AMPH: variants seen among roughly 807,000 people sequenced by gnomAD.
AMPH encodes the protein amphiphysin.
AMPH carries 49 observed loss-of-function variants against 99.1 expected under a neutral mutation model. The observed-to-expected ratio is 0.49, with a 90% CI of 0.39 to 0.63. The LOEUF is 0.63. AMPH is among the 20% of genes least tolerant of loss of function. AMPH has a pLI of 0.00. For missense variants in AMPH, 759 were observed against 863.4 expected (o/e 0.88, Z 1.52); for synonymous variants, 314 against 317.3 (o/e 0.99, Z 0.11).
chr7:38,548,467 G>C (rs944706582), intron 1 of AMPH, among the ~76,000 whole-genome samples: 1 of 152,094 alleles, frequency 6.6e-6, no homozygotes, highest in Non-Finnish European at 1.5e-5. Context: ...AGTGATTTTG[G>C]GGTCCCAAGA....
intron 11 of AMPH, among the ~76,000 whole-genome samples, chr7:38,437,128 C>A (rs1305481029): frequency 6.6e-6 from 1 of 152,108 alleles, no homozygotes; most frequent in African/African-American, 2.4e-5. Flanking sequence ...ACAAAAAAAT[C>A]TATAATACTA....
chr7:38,590,534 G>A (rs1006645614), intron 1 of AMPH, among the ~76,000 whole-genome samples: 7 of 152,144 alleles, frequency 4.6e-5, no homozygotes, highest in African/African-American at 1.7e-4. Context: ...GCCCACTCCC[G>A]GCTCGAATGC....
chr7:38,455,081 C>CT (rs558916967), intron 11 of AMPH, among the ~76,000 whole-genome samples: 6,364 of 145,980 alleles, frequency 0.044, 226 homozygotes, highest in East Asian at 0.16. Flanking sequence ...TATTAAAATT[C>CT]TTTTTTTTTT....
In AMPH at chr7:38,394,169, A is replaced by C; in HGVS notation, c.1444T>G (p.Ser482Ala). 1 of 1,614,176 alleles carries C rather than the reference A, an allele frequency of 6.2e-7. No individual in the cohort carries two copies. Among genetic ancestry groups the C allele is most frequent in the Non-Finnish European group, 8.5e-7 (1 of 1,180,036 alleles). ...DADAAVGTLV[S>A]AAEGAPGEEA... is the part of the protein sequence containing the mutation. ...TCTCCTGGGGCCCCCTCAGCTGCTG[A>C]CACCAAGGTTCCAACAGCTGCATCA... is the stretch of plus-strand genomic sequence containing the variant. Residue 482 changes from serine (S) to alanine (A), a missense_variant, in exon 18 of 21, where the codon TCA becomes GCA. Transcript: ENST00000356264.
At position 38,436,280 on chromosome 7, in the gene AMPH, T is replaced by A. The variant is rs754929044; in HGVS notation, c.1126A>T (p.Met376Leu). 4 of 1,613,616 alleles carry A rather than the reference T, an allele frequency of 2.5e-6. No homozygotes were observed. In the African/African-American group the frequency reaches 4.0e-5, roughly 16 times the overall value. ...AGSAGVTHSP[M>L]SQTLPWDLWT... Reference sequence around the variant, plus strand: ...CAAAAAGCACCTGATACCTGAGACATGGGTGAGTGGGTCACTCCAGCAGAA... The same window carrying A: ...CAAAAAGCACCTGATACCTGAGACAAGGGTGAGTGGGTCACTCCAGCAGAA... The change falls in exon 12 of 21, where the codon ATG (methionine) becomes TTG (leucine). Residue 376 changes from methionine to leucine, a missense_variant. By Grantham distance (15) the Met-to-Leu change is conservative (BLOSUM62 2). Transcript: ENST00000356264.
intron 11 of AMPH, among the ~76,000 whole-genome samples, chr7:38,451,360 GTA>G (rs57140163): frequency 7.1e-6 from 1 of 141,650 alleles, no homozygotes; most frequent in African/African-American, 2.7e-5. Context: ...TTATATACAC[GTA>G]TATATATGTG....
intron 1 of AMPH, among the ~76,000 whole-genome samples, chr7:38,586,372 C>T (rs1292544628): frequency 2.0e-5 from 3 of 152,156 alleles, no homozygotes; most frequent in African/African-American, 7.2e-5. Flanking sequence ...AGTGGTGTCT[C>T]AAATTTTGTA....
intron 5 of AMPH, among the ~76,000 whole-genome samples, chr7:38,484,235 A>T (rs1788404488): frequency 6.6e-6 from 1 of 152,124 alleles, no homozygotes; most frequent in South Asian, 2.1e-4. Flanking sequence ...CAAAACTGGG[A>T]AAGAAAATGT....
chr7:38,405,893 T>G (rs1262845157), intron 17 of AMPH, among the ~76,000 whole-genome samples: 2 of 152,182 alleles, frequency 1.3e-5, no homozygotes, highest in Non-Finnish European at 2.9e-5. Context: ...CTATAGAACA[T>G]TCCACCCAAC....
intron 16 of AMPH, among the ~76,000 whole-genome samples, chr7:38,420,752 C>T (rs1785554454): frequency 6.6e-6 from 1 of 152,034 alleles, no homozygotes; most frequent in African/African-American, 2.4e-5. Flanking sequence ...CCTGAGAGAA[C>T]TAATTTAGTG....
At chr7:38,626,592 T>G (rs6955353) in intron 1 of AMPH, among the ~76,000 whole-genome samples, 2 of 152,220 alleles carry the variant, frequency 1.3e-5, no homozygotes, top group African/African-American at 4.8e-5. Flanking sequence ...CATAAAAACC[T>G]TAGAAGAAAA....
At chr7:38,623,105 T>C (rs1219742121) in intron 1 of AMPH, among the ~76,000 whole-genome samples, 1 of 152,212 alleles carries the variant, frequency 6.6e-6, no homozygotes, top group Non-Finnish European at 1.5e-5. Flanking sequence ...CAGGGACCCC[T>C]GGGAGGAGTA....
At chr7:38,429,603 G>A in intron 14 of AMPH, 2 of 1,438,994 alleles carry the variant, frequency 1.4e-6, no homozygotes, top group African/African-American at 1.4e-5. Flanking sequence ...AAGAGCAAAG[G>A]AAAAAAAACA....
At chr7:38,479,463 A>G (rs1788210289) in intron 5 of AMPH, among the ~76,000 whole-genome samples, 1 of 152,126 alleles carries the variant, frequency 6.6e-6, no homozygotes. Flanking sequence ...GAGTACCAGA[A>G]ATGATAAAAA....
At chr7:38,446,154 T>G (rs983852650) in intron 11 of AMPH, among the ~76,000 whole-genome samples, 3 of 152,196 alleles carry the variant, frequency 2.0e-5, no homozygotes, top group Non-Finnish European at 4.4e-5. Flanking sequence ...GCCTAATACA[T>G]TAACCATGCC....
intron 1 of AMPH, among the ~76,000 whole-genome samples, chr7:38,545,110 G>A (rs1171990068): frequency 6.6e-6 from 1 of 152,190 alleles, no homozygotes; most frequent in Non-Finnish European, 1.5e-5. Flanking sequence ...AACCATACAT[G>A]TGCCAGCAAT....
chr7:38,489,758 G>A (rs1223250800), intron 5 of AMPH, among the ~76,000 whole-genome samples: 2 of 152,080 alleles, frequency 1.3e-5, no homozygotes, highest in East Asian at 3.8e-4. Flanking sequence ...CAACCTCAGA[G>A]AAGCAAAGAA....
chr7:38,430,154 A>G (rs949609174), intron 13 of AMPH: 3 of 390,838 alleles, frequency 7.7e-6, no homozygotes, highest in African/African-American at 6.3e-5. Flanking sequence ...AGACTCTGAA[A>G]TGCTAAGTTT....
intron 1 of AMPH, among the ~76,000 whole-genome samples, chr7:38,574,016 T>C (rs923730506): frequency 6.6e-6 from 1 of 152,182 alleles, no homozygotes; most frequent in Non-Finnish European, 1.5e-5. Flanking sequence ...AGGTTCTACA[T>C]AGATTTCAGT....
Sources: gnomAD v4.1 joint callset for allele counts (sites outside exome capture counted in the v4.1 genomes callset) on GRCh38, gnomAD v4.1.1 for gene constraint, MANE v1.5 for transcripts, NCBI Gene and HGNC (gene_info 2026-07-23, HGNC 2026-07-21) for gene names.